IPO11: variants seen among roughly 807,000 people sequenced by gnomAD.
IPO11 encodes importin 11, also known as importin-11.
A neutral mutation model predicts 143.2 loss-of-function variants in IPO11; 66 were observed. That is an observed-to-expected ratio of 0.46 (90% confidence interval 0.38 to 0.57). The LOEUF (loss-of-function observed/expected upper bound fraction) is 0.57, where lower values mean the gene tolerates loss of function less well. Among genes scored for constraint, IPO11 ranks in the 20% least tolerant of loss-of-function variants. IPO11 has a pLI of 0.00. For synonymous variants in IPO11, 385 were observed against 377.8 expected (o/e 1.02, Z -0.22); for missense variants, 1,026 against 1,141.0 (o/e 0.90, Z 1.45).
intron 5 of IPO11, among the ~76,000 whole-genome samples, chr5:62,464,973 T>C (rs1745516558): frequency 6.6e-6 from 1 of 152,188 alleles, no homozygotes; most frequent in Admixed American, 6.5e-5. Flanking sequence ...AGTATAATAG[T>C]TTTTTGGTCT....
chr5:62,499,569 CTTTTTTT>C (rs35545041), intron 16 of IPO11, among the ~76,000 whole-genome samples: 2 of 100,104 alleles, frequency 2.0e-5, no homozygotes, highest in South Asian at 3.5e-4. Flanking sequence ...CTTACTCTAA[CTTTTTTT>C]TTTTTTTTTT....
intron 26 of IPO11, among the ~76,000 whole-genome samples, chr5:62,557,027 A>G (rs1743597594): frequency 6.6e-6 from 1 of 152,182 alleles, no homozygotes; most frequent in Admixed American, 6.5e-5. Context: ...ATCCCTTGGT[A>G]CATCAGGATC....
At chr5:62,474,276 G>T in intron 7 of IPO11, 140 bp from the exon 8 acceptor site, 2 of 541,862 alleles carry the variant, frequency 3.7e-6, no homozygotes, top group Middle Eastern at 5.0e-4. Flanking sequence ...ACTGTTTTTT[G>T]CTTAACTAAT....
intron 9 of IPO11, among the ~76,000 whole-genome samples, chr5:62,478,004 A>G (rs1746023634): frequency 6.6e-6 from 1 of 152,200 alleles, no homozygotes; most frequent in Non-Finnish European, 1.5e-5. Context: ...ATCATCACTC[A>G]GCAACAATTA....
chr5:62,500,295 C>G (rs1554051504), intron 16 of IPO11, among the ~76,000 whole-genome samples: 2 of 152,018 alleles, frequency 1.3e-5, no homozygotes, highest in Non-Finnish European at 2.9e-5. Context: ...AAAGAAACAA[C>G]AACAAAAAAT....
Position 62,541,070 on chromosome 5 carries a change from A to G in IPO11, c.2250+3781A>G, listed in dbSNP as rs1742918531. On this transcript the variant is annotated intron_variant, in intron 24 of 29. Coordinates refer to ENST00000325324, the MANE Select transcript of IPO11 (RefSeq NM_016338.5). ...ATATTTCAGCTGGCTCTTTAAAATA[A>G]TTAATAATTGTATTTTGGTCGCCAG... is the stretch of plus-strand genomic sequence containing the variant. Among the ~76,000 whole-genome samples, 3 of 152,208 alleles carry G rather than the reference A, an allele frequency of 2.0e-5. No individual in the cohort carries two copies. The South Asian group carries it at 6.2e-4, about 32-fold the overall frequency.
chr5:62,441,933 C>T (rs1744497775), intron 2 of IPO11, among the ~76,000 whole-genome samples: 1 of 151,832 alleles, frequency 6.6e-6, no homozygotes. Context: ...GCAACCTCCA[C>T]CTTCCTGGTT....
chr5:62,435,142 A>ATC (rs1174824069), intron 1 of IPO11, among the ~76,000 whole-genome samples: 1 of 60,044 alleles, frequency 1.7e-5, no homozygotes, highest in African/African-American at 7.6e-5. Flanking sequence ...ATATGTATAT[A>ATC]TGTATATATG....
chr5:62,445,637 T>G (rs925292349), intron 3 of IPO11, among the ~76,000 whole-genome samples: 1 of 152,164 alleles, frequency 6.6e-6, no homozygotes, highest in Non-Finnish European at 1.5e-5. Context: ...TAAATTAACA[T>G]GAGATATTTA....
chr5:62,587,619 C>G (rs936605846), intron 27 of IPO11, among the ~76,000 whole-genome samples: 1 of 151,990 alleles, frequency 6.6e-6, no homozygotes, highest in Non-Finnish European at 1.5e-5. Flanking sequence ...GTATCTTTAA[C>G]AATTTTTAAG....
At chr5:62,416,324 A>G (rs1167016110) in intron 1 of IPO11, among the ~76,000 whole-genome samples, 2 of 151,142 alleles carry the variant, frequency 1.3e-5, no homozygotes, top group Admixed American at 1.3e-4. Context: ...TTGGGATTAC[A>G]GGCGCTCACC....
At chr5:62,437,158 G>T (rs1329593688) in intron 1 of IPO11, 116 bp from the exon 2 acceptor site, 31 of 682,434 alleles carry the variant, frequency 4.5e-5, no homozygotes, top group Non-Finnish European at 4.7e-5. Flanking sequence ...AGAACATGAA[G>T]GATTAGATGA....
intron 26 of IPO11, among the ~76,000 whole-genome samples, chr5:62,553,361 T>TGA (rs1743459919): frequency 2.0e-5 from 3 of 151,776 alleles, no homozygotes; most frequent in Non-Finnish European, 2.9e-5. Flanking sequence ...TGTGTGTGTG[T>TGA]GTGATATTTT....
chr5:62,550,536 A>G, intron 25 of IPO11, 74 bp downstream of exon 25: 1 of 967,998 alleles, frequency 1.0e-6, no homozygotes, highest in Non-Finnish European at 1.5e-6. Context: ...TGTTAGATAC[A>G]GAAGGAAAGC....
At chr5:62,512,107 C>G in intron 19 of IPO11, 1 of 701,340 alleles carries the variant, frequency 1.4e-6, no homozygotes, top group Non-Finnish European at 2.5e-6. Flanking sequence ...GTTACCAGCA[C>G]ATTCAAACAG....
chr5:62,502,267 C>T (rs1741371015), intron 16 of IPO11, among the ~76,000 whole-genome samples: 2 of 152,182 alleles, frequency 1.3e-5, no homozygotes, highest in Non-Finnish European at 2.9e-5. Context: ...GTAGGGTAGA[C>T]AGACTCACAG....
intron 29 of IPO11, among the ~76,000 whole-genome samples, chr5:62,614,651 T>C (rs1746060898): frequency 6.6e-6 from 1 of 152,192 alleles, no homozygotes; most frequent in Non-Finnish European, 1.5e-5. Flanking sequence ...ACCCCTGGGC[T>C]CCAGCCCCAT....
intron 1 of IPO11, among the ~76,000 whole-genome samples, chr5:62,435,102 A>ATATATATGTATATATATG (rs1561308771): frequency 1.5e-5 from 1 of 67,172 alleles, no homozygotes; most frequent in African/African-American, 5.7e-5. Flanking sequence ...GTATATATGT[A>ATATATATGTATATATATG]TATATATGTA....
chr5:62,461,883 A>G (rs1201851219), intron 5 of IPO11, among the ~76,000 whole-genome samples: 1 of 152,186 alleles, frequency 6.6e-6, no homozygotes, highest in African/African-American at 2.4e-5. Flanking sequence ...CAAATGTGAA[A>G]ATCTGAAAAT....
Sources: gnomAD v4.1 joint callset for allele counts (sites outside exome capture counted in the v4.1 genomes callset) on GRCh38, gnomAD v4.1.1 for gene constraint, MANE v1.5 for transcripts, NCBI Gene and HGNC (gene_info 2026-07-23, HGNC 2026-07-21) for gene names.